NRG1: variants seen among roughly 807,000 people sequenced by gnomAD.
NRG1 encodes the protein pro-neuregulin-1, membrane-bound isoform.
A neutral mutation model predicts 63.8 loss-of-function variants in NRG1; 18 were observed. That is an observed-to-expected ratio of 0.28 (90% CI 0.19 to 0.42). The LOEUF (loss-of-function observed/expected upper bound fraction) is 0.42. NRG1 is among the 10% of genes least tolerant of loss of function. The pLI, the probability that NRG1 is intolerant of heterozygous loss-of-function variation, is 1.00. For synonymous variants in NRG1, 302 were observed against 301.3 expected (o/e 1.00, Z -0.02); for missense variants, 762 against 814.7 (o/e 0.94, Z 0.79).
intron 1 of NRG1, among the ~76,000 whole-genome samples, chr8:32,035,603 A>G (rs1054989161): frequency 1.3e-5 from 2 of 151,996 alleles, no homozygotes; most frequent in African/African-American, 2.4e-5. Flanking sequence ...TCAACTTGCT[A>G]TATGAATCAG....
intron 6 of NRG1, among the ~76,000 whole-genome samples, chr8:32,741,628 G>A (rs898250497): frequency 5.3e-5 from 8 of 152,124 alleles, no homozygotes; most frequent in African/African-American, 1.9e-4. Context: ...ATAAGAGACA[G>A]GGATGGAATC....
At chr8:32,397,843 T>C (rs1011636867) in intron 1 of NRG1, among the ~76,000 whole-genome samples, 4 of 152,234 alleles carry the variant, frequency 2.6e-5, no homozygotes, top group African/African-American at 7.2e-5. Context: ...TTCTTTGTCT[T>C]AGTCTTCCAT....
intron 1 of NRG1, among the ~76,000 whole-genome samples, chr8:31,789,408 G>C (rs1448635651): frequency 6.6e-6 from 1 of 152,308 alleles, no homozygotes; most frequent in East Asian, 1.9e-4. Flanking sequence ...CTTTCAGCCT[G>C]ACTTTCAGGC....
At chr8:32,650,655 CAAAAAAAAAAAAAAAAA>C in intron 5 of NRG1, among the ~76,000 whole-genome samples, 1 of 57,822 alleles carries the variant, frequency 1.7e-5, no homozygotes, top group Admixed American at 2.8e-4. Context: ...TAATGGAAAG[CAAAAAAAAAAAAAAAAA>C]AAAAAAAAAG....
intron 1 of NRG1, among the ~76,000 whole-genome samples, chr8:32,497,378 C>T (rs1435606432): frequency 3.6e-5 from 5 of 140,336 alleles, no homozygotes; most frequent in Admixed American, 7.6e-5. Context: ...ACCTGGGAGG[C>T]GGGGGTTGCA....
In NRG1 at chr8:32,267,574, G is replaced by A. The variant is rs918812489; in HGVS notation, c.38-328254G>A. On this transcript the variant is annotated intron_variant, in intron 1 of 10. Transcript: ENST00000519301. ...CTCACCCAAATTTCTTGTACCAAAT[G>A]AAGGTATACTGCAGATTTTATCACA... 2.0e-5 allele frequency among the ~76,000 whole-genome samples: 3 copies of A among 152,180 alleles called. No homozygotes were observed. The East Asian group carries it at 5.8e-4, about 29-fold the overall frequency.
At chr8:31,882,805 T>C (rs531151068) in intron 1 of NRG1, among the ~76,000 whole-genome samples, 80 of 152,232 alleles carry the variant, frequency 5.3e-4, no homozygotes, top group African/African-American at 1.9e-3. Context: ...GTGATGCCTG[T>C]GGATGTGACT....
At chr8:32,672,846 AACCTGACAAAGT>A (rs928274270) in intron 5 of NRG1, among the ~76,000 whole-genome samples, 3 of 152,188 alleles carry the variant, frequency 2.0e-5, no homozygotes, top group African/African-American at 7.2e-5. Flanking sequence ...TTGAGAAAAA[AACCTGACAAAGT>A]ACTTAAATAT....
intron 5 of NRG1, among the ~76,000 whole-genome samples, chr8:32,664,890 A>T (rs1803764673): frequency 1.3e-5 from 2 of 152,172 alleles, no homozygotes; most frequent in Admixed American, 1.3e-4. Flanking sequence ...TTATGTATTT[A>T]TTAATGTGCA....
At chr8:32,447,542 C>G (rs1276321474) in intron 1 of NRG1, among the ~76,000 whole-genome samples, 1 of 152,038 alleles carries the variant, frequency 6.6e-6, no homozygotes, top group East Asian at 1.9e-4. Context: ...ATTATATTCT[C>G]TTAGTCAGCA....
intron 2 of NRG1, among the ~76,000 whole-genome samples, chr8:32,603,748 T>C (rs1682399747): frequency 6.6e-6 from 1 of 152,192 alleles, no homozygotes; most frequent in Non-Finnish European, 1.5e-5. Context: ...GTGCTGGGAT[T>C]ACAGGCGTGA....
At chr8:31,779,982 A>G (rs1819521526) in intron 1 of NRG1, among the ~76,000 whole-genome samples, 1 of 152,220 alleles carries the variant, frequency 6.6e-6, no homozygotes, top group African/African-American at 2.4e-5. Context: ...CAACGAGAAT[A>G]CATCAGTGCC....
chr8:32,506,774 G>A (rs1828581085), intron 1 of NRG1, among the ~76,000 whole-genome samples: 1 of 151,980 alleles, frequency 6.6e-6, no homozygotes, highest in Non-Finnish European at 1.5e-5. Flanking sequence ...CAGCACTTTG[G>A]GAGGCTGATG....
At chr8:31,815,036 C>T (rs1001338830) in intron 1 of NRG1, among the ~76,000 whole-genome samples, 1 of 152,052 alleles carries the variant, frequency 6.6e-6, no homozygotes, top group Non-Finnish European at 1.5e-5. Context: ...GATGTCTGTG[C>T]AAAAGGTACA....
At chr8:31,778,579 A>G (rs753935912) in intron 1 of NRG1, among the ~76,000 whole-genome samples, 1 of 152,228 alleles carries the variant, frequency 6.6e-6, no homozygotes, top group Non-Finnish European at 1.5e-5. Context: ...TGAATTATCA[A>G]CACTGAACGT....
rs1479130129 is a variant in NRG1, at chr8:31,904,590, A to T, written c.37+265159A>T. Among the ~76,000 whole-genome samples the T allele has an allele frequency of 3.3e-5, 5 of 152,252 alleles. No homozygotes were observed. In the East Asian group the frequency reaches 9.6e-4, roughly 29 times the overall value. On this transcript the variant is annotated intron_variant, in intron 1 of 10. Coordinates refer to the NRG1 transcript ENST00000519301. ...ACACACGCATGCATATGTTCATCGCAGCAGTGTTCACAATAGCAAAGACAT... is the reference window on the plus strand; with the variant it reads ...ACACACGCATGCATATGTTCATCGCTGCAGTGTTCACAATAGCAAAGACAT...
chr8:32,583,070 A>G (rs1246207985), intron 1 of NRG1, among the ~76,000 whole-genome samples: 1 of 152,050 alleles, frequency 6.6e-6, no homozygotes, highest in Non-Finnish European at 1.5e-5. Context: ...TTGTCTCTCA[A>G]GAATGACCAA....
intron 1 of NRG1, among the ~76,000 whole-genome samples, chr8:31,711,526 A>G (rs1055591561): frequency 2.2e-4 from 34 of 152,182 alleles, no homozygotes; most frequent in African/African-American, 8.2e-4. Flanking sequence ...TGGGTTGTCT[A>G]CACTGGGTTA....
rs529864937 is a variant in NRG1 at position 32,314,444 on chromosome 8, G to A, written c.38-281384G>A. On this transcript the variant is annotated intron_variant, in intron 1 of 10. Coordinates refer to the NRG1 transcript ENST00000519301. The stretch of plus-strand genomic sequence containing the variant: ...ACCGAGGGAGGGAATGGCGGTCCTC[G>A]CGTGAAGACTAAGTAGACGTGCTAT... Among the ~76,000 whole-genome samples, 21 of 10,114 alleles carry A rather than the reference G, an allele frequency of 2.1e-3. No individual in the cohort carries two copies. In the East Asian group the frequency reaches 0.45, roughly 219 times the overall value. 6.6% of individuals were successfully genotyped at this position (10,114 alleles called of 152,430 possible).
Sources: gnomAD v4.1 joint callset for allele counts (sites outside exome capture counted in the v4.1 genomes callset) on GRCh38, gnomAD v4.1.1 for gene constraint, MANE v1.5 for transcripts, NCBI Gene and HGNC (gene_info 2026-07-23, HGNC 2026-07-21) for gene names.